Variants in CCDC91 observed in about 807,000 individuals in gnomAD.
CCDC91 encodes the protein coiled-coil domain-containing protein 91.
A neutral mutation model predicts 63.2 loss-of-function variants in CCDC91; 48 were observed. The observed-to-expected ratio is 0.76, with a 90% CI of 0.60 to 0.97. The LOEUF is 0.97. CCDC91 is among the 50% of genes least tolerant of loss of function. CCDC91 has a pLI of 0.00. For synonymous variants in CCDC91, 167 were observed against 165.8 expected (o/e 1.01, Z -0.06); for missense variants, 500 against 494.6 (o/e 1.01, Z -0.10).
At chr12:28,305,608 TTAA>T (rs749964635) in intron 3 of CCDC91, 38 bp from the exon 4 acceptor site, 63 of 1,558,280 alleles carry the variant, frequency 4.0e-5, no homozygotes, top group Admixed American at 2.1e-4. Flanking sequence ...TGTTTTCTCT[TTAA>T]TAATCCTATC....
chr12:28,488,970 A>G (rs989040983), intron 12 of CCDC91, among the ~76,000 whole-genome samples: 2 of 151,978 alleles, frequency 1.3e-5, no homozygotes, highest in Non-Finnish European at 2.9e-5. Flanking sequence ...TAATTGAAAC[A>G]TACATTCACA....
At chr12:28,420,232 C>T (rs559964717) in intron 8 of CCDC91, among the ~76,000 whole-genome samples, 32 of 152,030 alleles carry the variant, frequency 2.1e-4, no homozygotes, top group Non-Finnish European at 4.0e-4. Context: ...CAAATCATAA[C>T]AATGCATTCT....
chr12:28,359,116 G>A (rs999996255), intron 6 of CCDC91, among the ~76,000 whole-genome samples: 1 of 152,012 alleles, frequency 6.6e-6, no homozygotes, highest in Non-Finnish European at 1.5e-5. Flanking sequence ...GGCTGGTCTC[G>A]AACTCCTGAC....
chr12:28,540,153 C>T (rs764816690), intron 12 of CCDC91, among the ~76,000 whole-genome samples: 16 of 152,066 alleles, frequency 1.1e-4, no homozygotes, highest in Non-Finnish European at 1.9e-4. Context: ...TGTCTTTATG[C>T]GTGTTTCTCC....
intron 1 of CCDC91, among the ~76,000 whole-genome samples, chr12:28,210,571 G>T (rs1461386620): frequency 7.9e-5 from 12 of 152,114 alleles, no homozygotes; most frequent in Admixed American, 7.2e-4. Flanking sequence ...GGTGCCTCCT[G>T]TTTTTCCCAA....
chr12:28,532,592 T>C lies in CCDC91; in HGVS notation c.1216-16471T>C, dbSNP rs1452810457. Among the ~76,000 whole-genome samples, 17 of 152,048 alleles carry C rather than the reference T, an allele frequency of 1.1e-4. 1 individual carries two copies. Among genetic ancestry groups the C allele is most frequent in the Admixed American group, 7.9e-4 (12 of 15,244 alleles). ...ATGATGTAAAATTTTCTAGTTAATA[T>C]GTTTATATATTTTTTAAATAAGTGA... On this transcript the variant is annotated intron_variant, in intron 12 of 12. Transcript: ENST00000536442.
intron 6 of CCDC91, among the ~76,000 whole-genome samples, chr12:28,313,910 G>A (rs1261480663): frequency 6.6e-6 from 1 of 151,978 alleles, no homozygotes; most frequent in Non-Finnish European, 1.5e-5. Context: ...CCTGTAACAA[G>A]TGGGTCAACA....
intron 1 of CCDC91, among the ~76,000 whole-genome samples, chr12:28,252,076 A>G (rs1371161668): frequency 2.0e-5 from 3 of 152,146 alleles, no homozygotes; most frequent in African/African-American, 7.2e-5. Context: ...CATGCTGTAA[A>G]TCATTTTCCC....
chr12:28,282,881 C>T (rs1172629946), intron 3 of CCDC91, among the ~76,000 whole-genome samples: 4 of 151,982 alleles, frequency 2.6e-5, no homozygotes, highest in Non-Finnish European at 4.4e-5. Context: ...TTAGTTTTTA[C>T]ATATGGTGAG....
chr12:28,494,439 C>T (rs529591298), intron 12 of CCDC91, among the ~76,000 whole-genome samples: 3 of 151,764 alleles, frequency 2.0e-5, no homozygotes, highest in Non-Finnish European at 3.0e-5. Flanking sequence ...TTGCCTTTAA[C>T]TTTGTAAAGC....
At chr12:28,256,662 C>G (rs1027753986) in intron 1 of CCDC91, 7 of 152,660 alleles carry the variant, frequency 4.6e-5, no homozygotes, top group Non-Finnish European at 8.8e-5. Flanking sequence ...CCACATTTTT[C>G]CAAAAGTGCA....
chr12:28,297,184 G>C (rs911517955), intron 3 of CCDC91, among the ~76,000 whole-genome samples: 4 of 151,530 alleles, frequency 2.6e-5, no homozygotes, highest in Non-Finnish European at 5.9e-5. Context: ...ATTTTTTTGG[G>C]GGGTATAGGT....
intron 12 of CCDC91, among the ~76,000 whole-genome samples, chr12:28,497,755 G>T (rs1302111952): frequency 6.6e-6 from 1 of 151,440 alleles, no homozygotes; most frequent in Non-Finnish European, 1.5e-5. Flanking sequence ...TATCTTCTTT[G>T]CCATTTTACA....
chr12:28,361,427 C>T (rs540175656), intron 6 of CCDC91, among the ~76,000 whole-genome samples: 18 of 152,030 alleles, frequency 1.2e-4, no homozygotes, highest in African/African-American at 2.9e-4. Context: ...TGAGAATGTG[C>T]GGAGATTTAT....
chr12:28,501,618 A>T (rs982225172), intron 12 of CCDC91, among the ~76,000 whole-genome samples: 8 of 151,028 alleles, frequency 5.3e-5, no homozygotes, highest in Admixed American at 4.6e-4. Context: ...CCAGTATTTT[A>T]TTGAGGATTT....
intron 3 of CCDC91, among the ~76,000 whole-genome samples, chr12:28,300,622 T>A (rs991097081): frequency 3.3e-4 from 50 of 151,706 alleles, no homozygotes; most frequent in African/African-American, 1.2e-3. Flanking sequence ...TTTTTTAATG[T>A]CACATTTAAT....
At chr12:28,266,187 A>G (rs1043425938) in intron 3 of CCDC91, among the ~76,000 whole-genome samples, 4 of 151,928 alleles carry the variant, frequency 2.6e-5, no homozygotes, top group African/African-American at 7.2e-5. Context: ...TCATGTTTTT[A>G]TTAATGCATA....
chr12:28,473,223 A>G (rs1950910591), intron 11 of CCDC91, among the ~76,000 whole-genome samples: 3 of 152,198 alleles, frequency 2.0e-5, no homozygotes, highest in Admixed American at 2.0e-4. Flanking sequence ...GCTCAAAAAC[A>G]ATCACAGCAA....
chr12:28,334,444 A>C (rs1941767231), intron 6 of CCDC91, among the ~76,000 whole-genome samples: 2 of 152,110 alleles, frequency 1.3e-5, no homozygotes, highest in Non-Finnish European at 2.9e-5. Context: ...AGGTGGCCTA[A>C]AATCATCTAT....
Sources: gnomAD v4.1 joint callset for allele counts (sites outside exome capture counted in the v4.1 genomes callset) on GRCh38, gnomAD v4.1.1 for gene constraint, MANE v1.5 for transcripts, NCBI Gene and HGNC (gene_info 2026-07-23, HGNC 2026-07-21) for gene names.